GPHN: variants seen among roughly 807,000 people sequenced by gnomAD.
GPHN encodes the protein gephyrin.
In GPHN, 17 loss-of-function variants were observed where a neutral mutation model predicts 95.5. That is an observed-to-expected ratio of 0.18 (90% CI 0.12 to 0.27). GPHN has a LOEUF of 0.27. Among genes scored for constraint, GPHN ranks in the 10% least tolerant of loss-of-function variants. The pLI is 1.00. For missense variants in GPHN, 660 were observed against 978.1 expected, an observed-to-expected ratio of 0.67 and a Z score of 4.34; for synonymous variants, 320 against 322.5, an observed-to-expected ratio of 0.99 and a Z score of 0.08.
intron 8 of GPHN, among the ~76,000 whole-genome samples, chr14:66,947,171 A>G (rs1247543614): frequency 1.2e-4 from 19 of 152,076 alleles, no homozygotes; most frequent in Non-Finnish European, 2.8e-4. Context: ...ACTAAGCTCC[A>G]TATAGCTTTT....
chr14:67,537,924 G>C, the GPHN span, among the ~76,000 whole-genome samples: 3 of 152,198 alleles, frequency 2.0e-5, no homozygotes, highest in Non-Finnish European at 4.4e-5. Flanking sequence ...CAGGTATCAA[G>C]ACTATGGCAG....
chr14:67,617,612 T>C, the GPHN span, among the ~76,000 whole-genome samples: 1 of 152,214 alleles, frequency 6.6e-6, no homozygotes, highest in Non-Finnish European at 1.5e-5. Flanking sequence ...GACTAAACTA[T>C]AGGTAGTGGA....
the GPHN span, among the ~76,000 whole-genome samples, chr14:67,417,355 T>G: frequency 6.6e-6 from 1 of 152,224 alleles, no homozygotes; most frequent in Non-Finnish European, 1.5e-5. Flanking sequence ...ATAGGTTTTT[T>G]CATTTCCACT....
chr14:66,740,409 A>G (rs1157405124), intron 2 of GPHN, among the ~76,000 whole-genome samples: 1 of 152,128 alleles, frequency 6.6e-6, no homozygotes, highest in Non-Finnish European at 1.5e-5. Flanking sequence ...TATTTATTTA[A>G]CGATACATAT....
At chr14:66,686,378 G>T (rs1205814829) in intron 2 of GPHN, among the ~76,000 whole-genome samples, 1 of 152,184 alleles carries the variant, frequency 6.6e-6, no homozygotes, top group African/African-American at 2.4e-5. Context: ...CTATCCATGA[G>T]CATGGAATAA....
chr14:66,771,551 C>A (rs540042926), intron 2 of GPHN, among the ~76,000 whole-genome samples: 1 of 152,146 alleles, frequency 6.6e-6, no homozygotes, highest in Non-Finnish European at 1.5e-5. Flanking sequence ...GCTGGACTTA[C>A]GGCCAAGGTG....
the GPHN span, among the ~76,000 whole-genome samples, chr14:67,327,174 A>G: frequency 6.6e-6 from 1 of 152,184 alleles, no homozygotes; most frequent in Admixed American, 6.5e-5. Context: ...GACTCTCAAA[A>G]AAAAAGAAAA....
At chr14:67,499,386 C>A in the GPHN span, among the ~76,000 whole-genome samples, 89 of 152,242 alleles carry the variant, frequency 5.8e-4, no homozygotes, top group Middle Eastern at 6.8e-3. Flanking sequence ...AGTTTGGCAC[C>A]TTTGGGAAAT....
At chr14:67,528,911 G>A in the GPHN span, among the ~76,000 whole-genome samples, 57,591 of 151,968 alleles carry the variant, frequency 0.38, 11,606 homozygotes, top group South Asian at 0.45. Flanking sequence ...TGTATTTTCA[G>A]ATCAGCATTT....
At chr14:67,416,244 A>T in the GPHN span, among the ~76,000 whole-genome samples, 4 of 152,230 alleles carry the variant, frequency 2.6e-5, no homozygotes, top group African/African-American at 9.6e-5. Flanking sequence ...CAGAACCAGC[A>T]GGGACAACCC....
the GPHN span, among the ~76,000 whole-genome samples, chr14:67,526,278 T>A: frequency 3.3e-5 from 5 of 152,188 alleles, no homozygotes; most frequent in South Asian, 8.3e-4. Flanking sequence ...ACTTTATCTG[T>A]AGCAGAGCAA....
At chr14:67,338,511 C>G in the GPHN span, 1 of 1,192,278 alleles carries the variant, frequency 8.4e-7, no homozygotes, top group Admixed American at 2.6e-5. Flanking sequence ...ATTTTACAAC[C>G]AGTGAAATTC....
the GPHN span, among the ~76,000 whole-genome samples, chr14:67,244,916 C>T: frequency 6.6e-6 from 1 of 152,052 alleles, no homozygotes; most frequent in African/African-American, 2.4e-5. Context: ...CCCAGTGTAT[C>T]ACAGAATCTT....
intron 17 of GPHN, among the ~76,000 whole-genome samples, chr14:67,124,251 T>C (rs1486603648): frequency 6.6e-6 from 1 of 151,764 alleles, no homozygotes; most frequent in Non-Finnish European, 1.5e-5. Flanking sequence ...ACTAAAAATA[T>C]GAAAATTAGC....
chr14:67,186,205 G>A (rs17248421), downstream of GPHN, among the ~76,000 whole-genome samples: 37,987 of 151,960 alleles, frequency 0.25, 9,594 homozygotes, highest in African/African-American at 0.62. Context: ...TGATGAATGA[G>A]AGTCTCAGAT....
intron 1 of GPHN, among the ~76,000 whole-genome samples, chr14:66,534,047 T>C (rs2059040914): frequency 1.3e-5 from 2 of 152,180 alleles, no homozygotes; most frequent in Admixed American, 1.3e-4. Context: ...TTTTGAAGAA[T>C]TATCCAGTGT....
chr14:66,689,573 T>C (rs900719360), intron 2 of GPHN, among the ~76,000 whole-genome samples: 2 of 152,200 alleles, frequency 1.3e-5, no homozygotes, highest in Non-Finnish European at 2.9e-5. Context: ...TTAGAATGAG[T>C]TTTGAAGAAT....
chr14:67,007,554 T>G (rs949773049), intron 9 of GPHN, among the ~76,000 whole-genome samples: 1 of 152,210 alleles, frequency 6.6e-6, no homozygotes, highest in Non-Finnish European at 1.5e-5. Context: ...GTCAAAATAA[T>G]CTGGGGTTAT....
At chr14:67,056,513 G>A (rs1273683326) in intron 10 of GPHN, among the ~76,000 whole-genome samples, 3 of 151,852 alleles carry the variant, frequency 2.0e-5, no homozygotes, top group African/African-American at 7.3e-5. Context: ...AGTTCTCTAA[G>A]TCCCCACCAG....
Sources: allele counts gnomAD v4.1 joint callset (sites outside exome capture counted in the v4.1 genomes callset), GRCh38; gene constraint gnomAD v4.1.1; transcripts MANE v1.5; gene names NCBI Gene and HGNC (gene_info 2026-07-23, HGNC 2026-07-21).